Variants in PARVB observed in about 807,000 individuals in gnomAD.
The protein encoded by PARVB is beta-parvin.
In PARVB, 46 loss-of-function variants were observed where a neutral mutation model predicts 47.0. The observed-to-expected ratio is 0.98, with a 90% CI of 0.77 to 1.25. The LOEUF (loss-of-function observed/expected upper bound fraction) is 1.25, where lower values mean the gene tolerates loss of function less well. Among genes scored for constraint, PARVB ranks in the 50% most tolerant of loss-of-function variants. The pLI, the probability that PARVB is intolerant of heterozygous loss-of-function variation, is 0.00. For missense variants in PARVB, 473 were observed against 471.6 expected (o/e 1.00, Z -0.03); for synonymous variants, 196 against 196.3 (o/e 1.00, Z 0.01).
intron 7 of PARVB, among the ~76,000 whole-genome samples, chr22:44,138,397 T>A (rs1053847588): frequency 6.6e-6 from 1 of 152,144 alleles, no homozygotes; most frequent in African/African-American, 2.4e-5. Flanking sequence ...TGGGATTTTC[T>A]AGCCTGAGTC....
At chr22:44,052,714 A>G (rs1307104258) in intron 1 of PARVB, among the ~76,000 whole-genome samples, 1 of 152,132 alleles carries the variant, frequency 6.6e-6, no homozygotes, top group African/African-American at 2.4e-5. Flanking sequence ...AGGCTGAGGC[A>G]GGCGGATTGC....
At chr22:44,135,618 C>T (rs2053426909) in intron 6 of PARVB, among the ~76,000 whole-genome samples, 1 of 152,162 alleles carries the variant, frequency 6.6e-6, no homozygotes. Flanking sequence ...GTGTCAGTTT[C>T]CTAGGGCAGC....
chr22:44,065,574 C>T (rs2051502260), intron 1 of PARVB, among the ~76,000 whole-genome samples: 1 of 152,138 alleles, frequency 6.6e-6, no homozygotes, highest in Non-Finnish European at 1.5e-5. Context: ...GCACCCATCA[C>T]CCGAGCAGTG....
rs148880204 is a variant in PARVB at position 44,039,619 on chromosome 22, G to T, written c.112+15168G>T. Among the ~76,000 whole-genome samples, 5 of 152,080 alleles carry T rather than the reference G, an allele frequency of 3.3e-5. No homozygotes were observed. The East Asian group carries it at 9.7e-4, about 29-fold the overall frequency. On this transcript the variant is annotated intron_variant, in intron 1 of 12. Transcript: ENST00000338758. ...ATGTTCATAGCAGCTTCATTCATAAGAGCTGGTACTTGGAAACAGCTTGGG... is the reference window on the plus strand; with the variant it reads ...ATGTTCATAGCAGCTTCATTCATAATAGCTGGTACTTGGAAACAGCTTGGG...
At chr22:44,018,751 C>T (rs1165026181) in intron 2 of PARVB, among the ~76,000 whole-genome samples, 1 of 152,168 alleles carries the variant, frequency 6.6e-6, no homozygotes, top group Non-Finnish European at 1.5e-5. Context: ...GACTCCTGAC[C>T]TGGGTGCTGG....
intron 1 of PARVB, among the ~76,000 whole-genome samples, chr22:44,052,436 T>C (rs1216783178): frequency 6.6e-6 from 1 of 152,190 alleles, no homozygotes; most frequent in Middle Eastern, 3.2e-3. Context: ...ACCCCAGTGC[T>C]AACTTCCCAC....
chr22:44,146,009 A>G (rs1203503682), intron 8 of PARVB: 1 of 152,222 alleles, frequency 6.6e-6, no homozygotes, highest in Non-Finnish European at 1.5e-5. Context: ...GCGTGTGTGC[A>G]GAGGCAGGGC....
At chr22:44,006,063 C>G (rs886636098) in intron 2 of PARVB, among the ~76,000 whole-genome samples, 2 of 152,328 alleles carry the variant, frequency 1.3e-5, no homozygotes, top group African/African-American at 2.4e-5. Flanking sequence ...CCACCTCAGT[C>G]TCTGGAATAG....
At chr22:44,151,578 C>G (rs761775325) in intron 10 of PARVB, 27 bp downstream of exon 10, 6 of 1,542,222 alleles carry the variant, frequency 3.9e-6, no homozygotes, top group Admixed American at 3.3e-5. Flanking sequence ...CTTGAAGGAT[C>G]CTTTGTCCAC....
chr22:44,019,460 A>T (rs961774521), upstream of PARVB, among the ~76,000 whole-genome samples: 12 of 150,902 alleles, frequency 8.0e-5, no homozygotes, highest in African/African-American at 2.7e-4. Flanking sequence ...CATCAGGTGG[A>T]CTGCTGGCCT....
rs540241775 is a variant in PARVB at position 44,127,656 on chromosome 22, A to G, written c.377-3831A>G. On this transcript the variant is annotated intron_variant, in intron 4 of 12. Transcript: ENST00000338758. ...GTCACAAGGGAGGGGGAGCCAGAGG[A>G]GTGTTGCATTCAGGAAGGGTAAAGG... Among the ~76,000 whole-genome samples, 11 of 152,226 alleles carry G rather than the reference A, an allele frequency of 7.2e-5. No homozygotes were observed. In the East Asian group the frequency reaches 1.5e-3, roughly 21 times the overall value.
At chr22:44,036,044 G>A (rs970579548) in intron 1 of PARVB, among the ~76,000 whole-genome samples, 5 of 152,108 alleles carry the variant, frequency 3.3e-5, no homozygotes, top group Non-Finnish European at 5.9e-5. Flanking sequence ...GATCACTTAA[G>A]GTCAGGAGTT....
chr22:44,023,305 G>T (rs147560545), upstream of PARVB, among the ~76,000 whole-genome samples: 12,640 of 151,556 alleles, frequency 0.083, 662 homozygotes, highest in Middle Eastern at 0.18. Flanking sequence ...GAGGTCAGGG[G>T]TTCGAGACCA....
intron 2 of PARVB, among the ~76,000 whole-genome samples, chr22:44,001,345 C>T (rs1464570562): frequency 6.6e-6 from 1 of 152,198 alleles, no homozygotes; most frequent in Non-Finnish European, 1.5e-5. Context: ...CGTTGACTTA[C>T]ATTTGATAAA....
upstream of PARVB, among the ~76,000 whole-genome samples, chr22:44,020,090 C>G (rs542729199): frequency 2.0e-4 from 30 of 152,266 alleles, no homozygotes; most frequent in South Asian, 6.0e-3. Context: ...GGGTGTCCCC[C>G]AGTCCAGTTC....
chr22:44,119,922 G>T lies in PARVB; in HGVS notation c.376+782G>T, dbSNP rs2053005143. 8.1e-6 allele frequency: 4 copies of T among 496,058 alleles called. No individual in the cohort carries two copies. The Admixed American group carries it at 8.8e-5, about 11-fold the overall frequency. The allele number at this position is 496,058 out of a possible 1,614,324, so 30.7% of individuals were successfully genotyped here. On this transcript the variant is annotated intron_variant, in intron 4 of 12. Coordinates refer to ENST00000338758, the MANE Select transcript of PARVB (RefSeq NM_013327.5). Reference sequence around the variant, plus strand: ...AACGAGCGAAGAGTTGCCAGGCAAAGAACGGAAGAGCAGAGTTCGCAGATG... The same window carrying T: ...AACGAGCGAAGAGTTGCCAGGCAAATAACGGAAGAGCAGAGTTCGCAGATG...
intron 3 of PARVB, chr22:44,107,675 G>A (rs1293259102): frequency 6.6e-6 from 1 of 152,098 alleles, no homozygotes; most frequent in Non-Finnish European, 1.5e-5. Flanking sequence ...ATCACCAATA[G>A]CCAATGATGT....
intron 1 of PARVB, among the ~76,000 whole-genome samples, chr22:44,058,762 G>C (rs5764494): frequency 0.77 from 116,723 of 151,852 alleles, 45,627 homozygotes; most frequent in East Asian, 0.94. Flanking sequence ...ACTCTGTTGC[G>C]CAGGGTGGTC....
chr22:44,067,456 T>C (rs2051560949), intron 1 of PARVB, among the ~76,000 whole-genome samples: 1 of 152,228 alleles, frequency 6.6e-6, no homozygotes, highest in Non-Finnish European at 1.5e-5. Context: ...GCCCCAGGCA[T>C]CTCCTTGGCC....
Sources: allele counts gnomAD v4.1 joint callset (sites outside exome capture counted in the v4.1 genomes callset), GRCh38; gene constraint gnomAD v4.1.1; transcripts MANE v1.5; gene names NCBI Gene and HGNC (gene_info 2026-07-23, HGNC 2026-07-21).